DIP2C: variants seen among roughly 807,000 people sequenced by gnomAD.
DIP2C encodes the protein disco-interacting protein 2 homolog C.
In DIP2C, 33 loss-of-function variants were observed where a neutral mutation model predicts 192.4. The ratio of observed to expected loss-of-function variants is 0.17; its 90% CI spans 0.13 to 0.23. The LOEUF (loss-of-function observed/expected upper bound fraction) is 0.23. Among genes scored for constraint, DIP2C ranks in the 10% least tolerant of loss-of-function variants. The pLI, the probability that DIP2C is intolerant of heterozygous loss-of-function variation, is 1.00. For synonymous variants in DIP2C, 979 were observed against 864.1 expected, an observed-to-expected ratio of 1.13 and a Z score of -2.33; for missense variants, 1,537 against 2,110.1, an observed-to-expected ratio of 0.73 and a Z score of 5.32.
intron 1 of DIP2C, among the ~76,000 whole-genome samples, chr10:610,323 A>G (rs1451598017): frequency 3.3e-5 from 5 of 152,234 alleles, no homozygotes; most frequent in African/African-American, 4.8e-5. Flanking sequence ...GCATGGGGAG[A>G]GGCTGGTAAG....
At chr10:555,292 T>A (rs1848792259) in intron 1 of DIP2C, among the ~76,000 whole-genome samples, 1 of 152,062 alleles carries the variant, frequency 6.6e-6, no homozygotes, top group Non-Finnish European at 1.5e-5. Context: ...GTTTTTCAGT[T>A]TTAAGGGCAG....
chr10:560,311 C>A (rs979866764), intron 1 of DIP2C, among the ~76,000 whole-genome samples: 3 of 151,506 alleles, frequency 2.0e-5, no homozygotes, highest in Non-Finnish European at 4.4e-5. Flanking sequence ...CATGTGAACA[C>A]AAAGCTAAAG....
At chr10:328,838 C>G (rs1275834267) in intron 30 of DIP2C, among the ~76,000 whole-genome samples, 1 of 152,144 alleles carries the variant, frequency 6.6e-6, no homozygotes, top group East Asian at 1.9e-4. Flanking sequence ...GATGATTATT[C>G]CCTCCTAGTT....
intron 2 of DIP2C, 30 bp from the exon 3 acceptor site, chr10:472,579 G>T: frequency 6.3e-7 from 1 of 1,580,222 alleles, no homozygotes; most frequent in Non-Finnish European, 8.7e-7. Flanking sequence ...GCAGAGTGAG[G>T]TGTGACTGTA....
Position 324,528 on chromosome 10 carries a change from C to A in DIP2C, c.3924+2478G>T, listed in dbSNP as rs193113670. ...CAACTATTTTCCAATACTATGCAGA[C>A]AAGGAAATGCTGACCGAAAGGAGTT... On this transcript the variant is annotated intron_variant, in intron 31 of 36. Transcript: ENST00000280886. 264 of 159,060 alleles carry A rather than the reference C, an allele frequency of 1.7e-3. 2 individuals are homozygous for A. Among genetic ancestry groups the A allele is most frequent in the Middle Eastern group, 0.013 (4 of 314 alleles). The allele number at this position is 159,060 out of a possible 1,614,324, so 9.9% of individuals were successfully genotyped here. A position where few individuals can be genotyped will look rare whatever the true frequency, so the allele number is the denominator to read the frequency against.
At chr10:554,294 CAG>C (rs1251642082) in intron 1 of DIP2C, among the ~76,000 whole-genome samples, 2 of 152,200 alleles carry the variant, frequency 1.3e-5, no homozygotes, top group Non-Finnish European at 2.9e-5. Flanking sequence ...GTGAACAGGA[CAG>C]AATTTCACAG....
chr10:289,206 G>C (rs1027789901), intron 32 of DIP2C, among the ~76,000 whole-genome samples: 1 of 151,096 alleles, frequency 6.6e-6, no homozygotes, highest in African/African-American at 2.4e-5. Context: ...CTCCCACCTG[G>C]GGACAGGGTG....
chr10:651,300 G>C lies in DIP2C; in HGVS notation c.85+38194C>G, dbSNP rs747054036. ...CACCAACGTGGACTCCTTACAAGCA[G>C]AGCCACCAACGTGGACACGATCCCA... On this transcript the variant is annotated intron_variant, in intron 1 of 36. Transcript: ENST00000280886. The surrounding 1 kb of genome is among the most constrained non-coding windows in gnomAD (Gnocchi z 4.1). 2.3e-5 allele frequency: 16 copies of C among 709,510 alleles called. No homozygotes were observed. Among genetic ancestry groups the C allele is most frequent in the Non-Finnish European group, 3.9e-5 (15 of 385,062 alleles). The allele number at this position is 709,510 out of a possible 1,614,324, so 44.0% of individuals were successfully genotyped here.
chr10:291,024 G>T (rs1195834170), intron 32 of DIP2C, among the ~76,000 whole-genome samples: 1 of 151,432 alleles, frequency 6.6e-6, no homozygotes, highest in African/African-American at 2.5e-5. Flanking sequence ...GCCAGGCAGG[G>T]CCCAGGCTGT....
intron 1 of DIP2C, among the ~76,000 whole-genome samples, chr10:642,108 A>T: frequency 6.6e-6 from 1 of 152,354 alleles, no homozygotes; most frequent in African/African-American, 2.4e-5. Context: ...TCCAGATATG[A>T]TGAAGGAAAT....
intron 1 of DIP2C, among the ~76,000 whole-genome samples, chr10:509,229 G>A (rs1845844845): frequency 6.6e-6 from 1 of 152,182 alleles, no homozygotes; most frequent in Admixed American, 6.5e-5. Context: ...GGGGCATAGA[G>A]GAGACTGAAG....
intron 1 of DIP2C, among the ~76,000 whole-genome samples, chr10:602,907 TC>T (rs1462513921): frequency 1.3e-5 from 2 of 151,968 alleles, no homozygotes; most frequent in East Asian, 3.9e-4. Context: ...AGCTTCAGTC[TC>T]CCGCCTCTCA....
At chr10:631,983 C>T (rs567781255) in intron 1 of DIP2C, among the ~76,000 whole-genome samples, 114 of 152,232 alleles carry the variant, frequency 7.5e-4, no homozygotes, top group Non-Finnish European at 1.5e-3. Flanking sequence ...AAGTATTAAG[C>T]GTAATCAAAG....
intron 1 of DIP2C, among the ~76,000 whole-genome samples, chr10:535,404 A>G (rs1047498831): frequency 6.6e-6 from 1 of 151,776 alleles, no homozygotes; most frequent in Non-Finnish European, 1.5e-5. Flanking sequence ...CCCTTCACAC[A>G]TCTGGAAATC....
intron 1 of DIP2C, among the ~76,000 whole-genome samples, chr10:558,340 ACT>A (rs1246030294): frequency 1.3e-5 from 2 of 151,992 alleles, no homozygotes; most frequent in Non-Finnish European, 2.9e-5. Flanking sequence ...GGATGGGAGG[ACT>A]CGAGTCATGT....
chr10:523,045 G>A (rs373864645), intron 1 of DIP2C, among the ~76,000 whole-genome samples: 2 of 151,962 alleles, frequency 1.3e-5, no homozygotes, highest in South Asian at 4.2e-4. Context: ...GAGTGAGGAT[G>A]CAGGGACTCT....
chr10:525,419 T>C (rs1412407543), intron 1 of DIP2C, among the ~76,000 whole-genome samples: 2 of 152,168 alleles, frequency 1.3e-5, no homozygotes, highest in Non-Finnish European at 2.9e-5. Flanking sequence ...ACATTTGTGA[T>C]GGACAGCAGA....
chr10:305,972 AATATATAT>A (rs35830495), intron 32 of DIP2C, among the ~76,000 whole-genome samples: 18 of 146,234 alleles, frequency 1.2e-4, no homozygotes, highest in Non-Finnish European at 8.9e-5. Flanking sequence ...AATGCAGACA[AATATATAT>A]ATATATATAT....
intron 10 of DIP2C, among the ~76,000 whole-genome samples, chr10:397,527 C>CAG (rs1964086711): frequency 2.3e-5 from 3 of 132,114 alleles, no homozygotes; most frequent in Non-Finnish European, 3.3e-5. Flanking sequence ...GACTCCATCT[C>CAG]AAAAAAAAAA....
Sources: allele counts gnomAD v4.1 joint callset (sites outside exome capture counted in the v4.1 genomes callset), GRCh38; gene constraint gnomAD v4.1.1; non-coding constraint Gnocchi (gnomAD v3.1); transcripts MANE v1.5; gene names NCBI Gene and HGNC (gene_info 2026-07-23, HGNC 2026-07-21).